Variants in MYBPC2 observed in about 807,000 individuals in gnomAD.
The protein encoded by MYBPC2 is myosin-binding protein C, fast-type.
MYBPC2 carries 122 observed loss-of-function variants against 137.0 expected under a neutral mutation model. The ratio of observed to expected loss-of-function variants is 0.89; its 90% CI spans 0.77 to 1.03. The LOEUF (loss-of-function observed/expected upper bound fraction) is 1.03, where lower values mean the gene tolerates loss of function less well. MYBPC2 is among the 50% of genes least tolerant of loss of function. MYBPC2 has a pLI of 0.00. For synonymous variants in MYBPC2, 626 were observed against 612.3 expected (o/e 1.02, Z -0.33); for missense variants, 1,500 against 1,534.4 (o/e 0.98, Z 0.37).
intron 12 of MYBPC2, among the ~76,000 whole-genome samples, chr19:50,446,371 G>T (rs1269157313): frequency 6.6e-6 from 1 of 151,516 alleles, no homozygotes; most frequent in Non-Finnish European, 1.5e-5. Flanking sequence ...AAATTAGCTG[G>T]GCATTGCGGC....
intron 24 of MYBPC2, among the ~76,000 whole-genome samples, chr19:50,460,414 A>G (rs2039961684): frequency 6.6e-6 from 1 of 152,134 alleles, no homozygotes; most frequent in African/African-American, 2.4e-5. Context: ...AAAGCGAACA[A>G]TTCAGCAGCA....
intron 10 of MYBPC2, 36 bp from the exon 11 acceptor site, chr19:50,443,675 C>T: frequency 6.2e-7 from 1 of 1,611,214 alleles, no homozygotes; most frequent in East Asian, 2.2e-5. Context: ...GGAGGGGGTC[C>T]TGAAACGACT....
At chr19:50,460,220 TG>T in intron 24 of MYBPC2, 41 bp downstream of exon 24, 1 of 1,566,120 alleles carries the variant, frequency 6.4e-7, no homozygotes, top group Non-Finnish European at 8.7e-7. Context: ...GCCGGTGAGG[TG>T]GGCAGAGCAG....
Position 50,451,271 on chromosome 19 carries a change from G to T in MYBPC2, c.1580-9G>T, listed in dbSNP as rs779864626. On this transcript the variant is annotated splice_polypyrimidine_tract_variant and intron_variant, in intron 14 of 27. Transcript: ENST00000357701. Reference sequence around the variant, plus strand: ...TAGACCTAACTGTCCAGTCTTCTTTGTCTTGCAGAAATCAAGGTGGAGTAC... The same window carrying T: ...TAGACCTAACTGTCCAGTCTTCTTTTTCTTGCAGAAATCAAGGTGGAGTAC... The T allele has an allele frequency of 1.9e-6, 3 of 1,613,590 alleles. No individual in the cohort carries two copies. Among genetic ancestry groups the T allele is most frequent in the Non-Finnish European group, 1.7e-6 (2 of 1,179,836 alleles).
chr19:50,442,671 G>A (rs565853303), intron 9 of MYBPC2, among the ~76,000 whole-genome samples: 2 of 151,998 alleles, frequency 1.3e-5, no homozygotes, highest in African/African-American at 4.8e-5. Context: ...GGTTGCGGTT[G>A]CGGTGAGCTG....
intron 7 of MYBPC2, among the ~76,000 whole-genome samples, chr19:50,438,699 C>T (rs1303531490): frequency 1.3e-5 from 2 of 151,842 alleles, no homozygotes; most frequent in East Asian, 3.9e-4. Flanking sequence ...GACCCTGACT[C>T]TACAAAAAAA....
At chr19:50,464,230 C>A in intron 26 of MYBPC2, 116 bp from the exon 27 acceptor site, 1 of 917,218 alleles carries the variant, frequency 1.1e-6, no homozygotes, top group Non-Finnish European at 1.6e-6. Flanking sequence ...CGTCCAAGAA[C>A]ATCTGGCAAG....
At position 50,442,294 on chromosome 19, in the gene MYBPC2, G is replaced by C. The variant is rs754411668; in HGVS notation, c.883G>C (p.Glu295Gln). 1 of 1,609,142 alleles carries C rather than the reference G, an allele frequency of 6.2e-7. No homozygotes were observed. The highest frequency in any genetic ancestry group is 8.5e-7 in the Non-Finnish European group (1 of 1,177,858). ...CCTCAAGTGGTTCAAGAACGGCCAGGAGATCAAACCAAGCAGCAAGTATGT... is the reference window on the plus strand; with the variant it reads ...CCTCAAGTGGTTCAAGAACGGCCAGCAGATCAAACCAAGCAGCAAGTATGT... ...LTLKWFKNGQ[E>Q]IKPSSKYVFE... The change falls in exon 9 of 28, where the codon GAG becomes CAG. Residue 295 changes from glutamate (E) to glutamine (Q), a missense_variant. Coordinates refer to ENST00000357701, the MANE Select transcript of MYBPC2 (RefSeq NM_004533.4).
intron 18 of MYBPC2, 23 bp downstream of exon 18, chr19:50,454,392 C>T: frequency 3.4e-6 from 5 of 1,491,348 alleles, no homozygotes; most frequent in Non-Finnish European, 3.6e-6. Flanking sequence ...GTCCTCATGA[C>T]CTCTGACCTT....
chr19:50,459,926 A>T, intron 23 of MYBPC2, 114 bp from the exon 24 acceptor site: 2 of 1,409,786 alleles, frequency 1.4e-6, no homozygotes, highest in Non-Finnish European at 1.9e-6. Flanking sequence ...AGGAATGGGA[A>T]TGGGGCATAA....
chr19:50,458,961 C>G lies in MYBPC2; in HGVS notation c.2550C>G (p.Tyr850Ter). 2 of 1,612,912 alleles carry G rather than the reference C, an allele frequency of 1.2e-6. No homozygotes were observed. Among genetic ancestry groups the G allele is most frequent in the South Asian group, 2.2e-5 (2 of 90,920 alleles). ...IRLPRHLRQT[Y>*]IRKVGEQLNL... Reference sequence around the variant, plus strand: ...TTCCCCGCCATCTCCGCCAGACCTACATCCGCAAAGTGGGCGAGCAGCTCA... The same window carrying G: ...TTCCCCGCCATCTCCGCCAGACCTAGATCCGCAAAGTGGGCGAGCAGCTCA... The change falls in exon 22 of 28, where the codon TAC (tyrosine) becomes TAG (stop). Residue 850 changes from tyrosine (Y) to a stop codon, truncating the protein, a stop_gained. Coordinates refer to ENST00000357701, the MANE Select transcript of MYBPC2 (RefSeq NM_004533.4). LOFTEE classifies it high-confidence loss of function.
At chr19:50,464,624 C>G in intron 27 of MYBPC2, 92 bp downstream of exon 27, 2 of 1,375,288 alleles carry the variant, frequency 1.5e-6, no homozygotes, top group East Asian at 2.5e-5. Context: ...CCGCTGAGAT[C>G]TGGAGACGAG....
At chr19:50,447,814 G>A (rs1272514708) in intron 12 of MYBPC2, among the ~76,000 whole-genome samples, 5 of 151,834 alleles carry the variant, frequency 3.3e-5, no homozygotes, top group Non-Finnish European at 7.4e-5. Flanking sequence ...CCAAAATCAC[G>A]CCATTGCAGT....
Position 50,451,336 on chromosome 19 carries a change from C to A in MYBPC2, c.1609+27C>A, listed in dbSNP as rs751353218. 14 of 1,603,610 alleles carry A rather than the reference C, an allele frequency of 8.7e-6. No homozygotes were observed. In the African/African-American group the frequency reaches 1.4e-4, roughly 16 times the overall value. The stretch of plus-strand genomic sequence containing the variant: ...TGAGCACCACGGGCTGCGCTGGGAG[C>A]GGGTCTGAGGGAGGAGGGACCGGGC... On this transcript the variant is annotated intron_variant, in intron 15 of 27. Coordinates refer to ENST00000357701, the MANE Select transcript of MYBPC2 (RefSeq NM_004533.4).
intron 26 of MYBPC2, among the ~76,000 whole-genome samples, chr19:50,462,759 TAG>T (rs960533796): frequency 7.9e-5 from 12 of 151,644 alleles, no homozygotes; most frequent in African/African-American, 2.9e-4. Context: ...GTATTTTTAG[TAG>T]AGACGGCGTT....
chr19:50,435,176 C>G lies in MYBPC2; in HGVS notation c.35C>G (p.Pro12Arg), dbSNP rs772845741. Residue 12 changes from proline to arginine, a missense_variant, in exon 2 of 28, where the codon CCC becomes CGC. By Grantham distance (103) the Pro-to-Arg change is moderately radical. Coordinates refer to ENST00000357701, the MANE Select transcript of MYBPC2 (RefSeq NM_004533.4). This position sits in a 1 kb window ranked among gnomAD's most constrained non-coding sequence, Gnocchi z 4.8. ...PEAKPAAKKA[P>R]KGKDAPKGAP... ...TACCTTACAGCGGCCAAAAAGGCCC[C>G]CAAAGGCAAAGATGCCCCCAAAGGA... The G allele has an allele frequency of 5.9e-6, 8 of 1,358,584 alleles. No individual in the cohort carries two copies. Among genetic ancestry groups the G allele is most frequent in the Non-Finnish European group, 8.4e-6 (8 of 952,070 alleles). 84.2% of individuals were successfully genotyped at this position (1,358,584 alleles called of 1,614,324 possible).
At chr19:50,444,497 T>G (rs1319421043) in intron 11 of MYBPC2, among the ~76,000 whole-genome samples, 1 of 152,188 alleles carries the variant, frequency 6.6e-6, no homozygotes, top group East Asian at 1.9e-4. Flanking sequence ...CATCCATCTA[T>G]GTACCTATTC....
Position 50,459,130 on chromosome 19 carries a change from T to G in MYBPC2, c.2615T>G (p.Val872Gly). ...CCGCAGGGAAAGCCCCGGCCCCAGGTGGTGTGGACCAAGGGCGGGGCCCCG... is the reference window on the plus strand; with the variant it reads ...CCGCAGGGAAAGCCCCGGCCCCAGGGGGTGTGGACCAAGGGCGGGGCCCCG... ...VPFQGKPRPQ[V>G]VWTKGGAPLD... Residue 872 changes from valine to glycine, a missense_variant, in exon 23 of 28, where the codon GTG becomes GGG. Val to Gly is a moderately radical substitution (Grantham distance 109, BLOSUM62 -3). Transcript: ENST00000357701. 6.4e-7 allele frequency: 1 copy of G among 1,571,304 alleles called. No individual in the cohort carries two copies. Among genetic ancestry groups the G allele is most frequent in the Non-Finnish European group, 8.6e-7 (1 of 1,160,566 alleles).
At chr19:50,444,228 A>G (rs2039782075) in intron 11 of MYBPC2, among the ~76,000 whole-genome samples, 1 of 149,636 alleles carries the variant, frequency 6.7e-6, no homozygotes, top group African/African-American at 2.5e-5. Context: ...CCACTCATCC[A>G]TCCATCCATC....
Sources: gnomAD v4.1 joint callset for allele counts (sites outside exome capture counted in the v4.1 genomes callset) on GRCh38, gnomAD v4.1.1 for gene constraint, Gnocchi (gnomAD v3.1) non-coding constraint, MANE v1.5 for transcripts, NCBI Gene and HGNC (gene_info 2026-07-23, HGNC 2026-07-21) for gene names.